PKD2: variants seen among roughly 807,000 people sequenced by gnomAD.
PKD2 encodes the protein polycystin 2, transient receptor potential cation channel.
A neutral mutation model predicts 105.9 loss-of-function variants in PKD2; 48 were observed. The ratio of observed to expected loss-of-function variants is 0.45; its 90% CI spans 0.36 to 0.58. The LOEUF (loss-of-function observed/expected upper bound fraction) is 0.58. Among genes scored for constraint, PKD2 ranks in the 20% least tolerant of loss-of-function variants. The probability of loss-of-function intolerance (pLI) is 0.00; values close to 1 mark genes in which losing one functional copy is unlikely to be tolerated. For synonymous variants in PKD2, 464 were observed against 481.1 expected (o/e 0.96, Z 0.46); for missense variants, 1,078 against 1,255.3 (o/e 0.86, Z 2.13).
intron 10 of PKD2, among the ~76,000 whole-genome samples, chr4:88,062,767 A>G (rs1007671523): frequency 6.6e-6 from 1 of 152,096 alleles, no homozygotes; most frequent in African/African-American, 2.4e-5. Flanking sequence ...GGATTATGTT[A>G]TCTGTGATAT....
intron 13 of PKD2, among the ~76,000 whole-genome samples, chr4:88,069,336 G>A (rs1298352533): frequency 6.6e-6 from 1 of 151,406 alleles, no homozygotes; most frequent in Non-Finnish European, 1.5e-5. Context: ...TTTATTTTTT[G>A]TTTTCTAGCT....
At chr4:88,060,239 T>C (rs1455974648) in intron 9 of PKD2, among the ~76,000 whole-genome samples, 1 of 152,202 alleles carries the variant, frequency 6.6e-6, no homozygotes, top group Non-Finnish European at 1.5e-5. Flanking sequence ...TAGAAGGTGT[T>C]ACTTGGACTG....
chr4:88,031,301 C>A (rs188058961), intron 2 of PKD2, among the ~76,000 whole-genome samples: 42 of 152,202 alleles, frequency 2.8e-4, no homozygotes, highest in Non-Finnish European at 5.9e-5. Flanking sequence ...ATGATATTTT[C>A]AATTTACAAT....
chr4:88,056,249 G>T lies in PKD2; in HGVS notation c.1880G>T (p.Ser627Ile), dbSNP rs1437730927. 1.2e-6 allele frequency: 2 copies of T among 1,610,824 alleles called. No homozygotes were observed. Among genetic ancestry groups the T allele is most frequent in the Non-Finnish European group, 1.7e-6 (2 of 1,177,354 alleles). Residue 627 changes from serine (S) to isoleucine (I), a missense_variant, in exon 8 of 15, where the codon AGT becomes ATT. Coordinates refer to ENST00000237596, the MANE Select transcript of PKD2 (RefSeq NM_000297.4). ...LVFGTQVDDFSTFQECIFTQF... is the reference protein window; with the variant it reads ...LVFGTQVDDFITFQECIFTQF... ...TTTGGCACTCAGGTCGATGACTTCAGTACTTTCCAAGAGTGTATGTAAGTA... is the reference window on the plus strand; with the variant it reads ...TTTGGCACTCAGGTCGATGACTTCATTACTTTCCAAGAGTGTATGTAAGTA...
chr4:88,032,521 A>C (rs1727199921), intron 2 of PKD2, among the ~76,000 whole-genome samples: 1 of 152,212 alleles, frequency 6.6e-6, no homozygotes, highest in African/African-American at 2.4e-5. Flanking sequence ...ATGGGAATTC[A>C]GTGGTTAAGA....
At chr4:88,063,480 G>A (rs1382205629) in intron 10 of PKD2, among the ~76,000 whole-genome samples, 3 of 151,210 alleles carry the variant, frequency 2.0e-5, no homozygotes, top group South Asian at 2.1e-4. Context: ...GCAGTGAGCC[G>A]AGATCGTGCC....
At chr4:88,027,995 T>C (rs1219433503) in intron 2 of PKD2, among the ~76,000 whole-genome samples, 1 of 152,168 alleles carries the variant, frequency 6.6e-6, no homozygotes, top group Non-Finnish European at 1.5e-5. Flanking sequence ...TTTATAGCAG[T>C]ATGAAAATGG....
At chr4:88,032,746 G>A (rs1727207201) in intron 2 of PKD2, among the ~76,000 whole-genome samples, 2 of 152,308 alleles carry the variant, frequency 1.3e-5, no homozygotes, top group African/African-American at 2.4e-5. Context: ...TAAAGGAGAA[G>A]TGATGTTAAC....
intron 2 of PKD2, among the ~76,000 whole-genome samples, chr4:88,035,148 C>A (rs1727289219): frequency 6.6e-6 from 1 of 152,176 alleles, no homozygotes; most frequent in Non-Finnish European, 1.5e-5. Flanking sequence ...GTTTAAGCAA[C>A]TTGCACAGGT....
At position 88,009,759 on chromosome 4, in the gene PKD2, GATTA is replaced by G. The variant is rs372273433; in HGVS notation, c.595+1436_595+1439del. On this transcript the variant is annotated intron_variant, in intron 1 of 14. Coordinates refer to ENST00000237596, the MANE Select transcript of PKD2 (RefSeq NM_000297.4). The stretch of plus-strand genomic sequence containing the variant: ...TAACACTTTTTAAGATTCAAAACTG[GATTA>G]ATTATGTTATTTTACACCATTTAAA... Among the ~76,000 whole-genome samples, 1,511 of 152,222 alleles carry G rather than the reference GATTA, an allele frequency of 9.9e-3. 5 individuals are homozygous for G. The highest frequency in any genetic ancestry group is 0.018 in the Admixed American group (281 of 15,294).
rs1163916860 is a variant in PKD2, at chr4:88,007,769, C to T, written c.36C>T (p.Pro12=). The change falls in exon 1 of 15, where the codon CCC becomes CCT. Residue 12 remains proline (P), a synonymous_variant. Coordinates refer to ENST00000237596, the MANE Select transcript of PKD2 (RefSeq NM_000297.4). The part of the protein sequence containing the change: ...VNSSRVQPQQ[P]GDAKRPPAPR... ...CCAGTCGCGTGCAGCCTCAGCAGCC[C>T]GGGGACGCCAAGCGGCCGCCCGCGC... 3.4e-6 allele frequency: 4 copies of T among 1,182,712 alleles called. No homozygotes were observed. The highest frequency in any genetic ancestry group is 3.5e-5 in the Admixed American group (1 of 28,198). 73.3% of individuals were successfully genotyped at this position (1,182,712 alleles called of 1,614,324 possible).
Position 88,038,577 on chromosome 4 carries a change from A to G in PKD2, c.1094+76A>G, listed in dbSNP as rs1291115365. 7 of 1,460,002 alleles carry G rather than the reference A, an allele frequency of 4.8e-6. No homozygotes were observed. In the East Asian group the frequency reaches 1.1e-4, roughly 24 times the overall value. The allele number at this position is 1,460,002 out of a possible 1,614,324, so 90.4% of individuals were successfully genotyped here. On this transcript the variant is annotated intron_variant, in intron 4 of 14. Coordinates refer to ENST00000237596, the MANE Select transcript of PKD2 (RefSeq NM_000297.4). ...CTGAACTCCCACCATTCATTCATTC[A>G]TTCCCTGACACCTTCACCAAGGCAA... is the stretch of plus-strand genomic sequence containing the variant.
chr4:88,058,542 C>T (rs72659633), intron 9 of PKD2, among the ~76,000 whole-genome samples: 3,772 of 150,602 alleles, frequency 0.025, 56 homozygotes, highest in Non-Finnish European at 0.04. Flanking sequence ...TTCTCTCTTT[C>T]TTCTTTTCTT....
chr4:88,039,664 CAA>C (rs368041376), intron 4 of PKD2, among the ~76,000 whole-genome samples: 11 of 97,556 alleles, frequency 1.1e-4, no homozygotes, highest in Non-Finnish European at 1.1e-4. Flanking sequence ...GACTCCCCCT[CAA>C]AAAAAAAAAA....
chr4:88,070,595 TATATATAGAGAGAGAGAGAGAGAGAG>T (rs1309919772), intron 13 of PKD2, among the ~76,000 whole-genome samples: 1 of 98,434 alleles, frequency 1.0e-5, no homozygotes, highest in African/African-American at 3.8e-5. Flanking sequence ...TATATATATA[TATATATAGAGAGAGAGAGAGAGAGAG>T]AGAGAGAAAG....
chr4:88,020,590 G>T (rs1349100867), intron 2 of PKD2, among the ~76,000 whole-genome samples: 1 of 151,868 alleles, frequency 6.6e-6, no homozygotes, highest in East Asian at 1.9e-4. Context: ...ATGGATTTCT[G>T]TCATGTCTCA....
intron 12 of PKD2, 58 bp downstream of exon 12, chr4:88,065,937 T>C (rs1720776628): frequency 1.1e-6 from 1 of 913,082 alleles, no homozygotes; most frequent in Non-Finnish European, 1.9e-6. Flanking sequence ...CACAGATGTA[T>C]CAAACACTAT....
chr4:88,030,275 GT>G (rs775997425), intron 2 of PKD2, among the ~76,000 whole-genome samples: 10 of 152,042 alleles, frequency 6.6e-5, no homozygotes, highest in Middle Eastern at 3.2e-3. Context: ...CTCCCATGTA[GT>G]TGGGACCACA....
chr4:88,048,542 G>A lies in PKD2; in HGVS notation c.1548+1672G>A, dbSNP rs999316340. Among the ~76,000 whole-genome samples the A allele has an allele frequency of 4.6e-5, 7 of 152,146 alleles. No homozygotes were observed. In the East Asian group the frequency reaches 7.7e-4, roughly 17 times the overall value. On this transcript the variant is annotated intron_variant, in intron 6 of 14. Transcript: ENST00000237596. ...AGAAGCTTCTGTGTTAGGCATTTCC[G>A]GGTGCTTTTCATGGTACAGAAGCTC...
Sources: gnomAD v4.1 joint callset for allele counts (sites outside exome capture counted in the v4.1 genomes callset) on GRCh38, gnomAD v4.1.1 for gene constraint, MANE v1.5 for transcripts, NCBI Gene and HGNC (gene_info 2026-07-23, HGNC 2026-07-21) for gene names.